The following CHL1 variants were observed in gnomAD, a reference collection of about 807,000 sequenced individuals.
CHL1 encodes cell adhesion molecule L1 like.
Under a neutral mutation model 141.9 loss-of-function variants are expected in CHL1, and 96 were observed. That is an observed-to-expected ratio of 0.68 (90% CI 0.57 to 0.80). The LOEUF (loss-of-function observed/expected upper bound fraction) is 0.80, where lower values mean the gene tolerates loss of function less well. Among genes scored for constraint, CHL1 ranks in the 30% least tolerant of loss-of-function variants. The pLI, the probability that CHL1 is intolerant of heterozygous loss-of-function variation, is 0.00. For synonymous variants in CHL1, 613 were observed against 502.2 expected (o/e 1.22, Z -2.95); for missense variants, 1,820 against 1,457.2 (o/e 1.25, Z -4.05).
chr3:342,071 C>A lies in CHL1; in HGVS notation c.668C>A (p.Thr223Lys). The A allele has an allele frequency of 1.9e-6, 3 of 1,608,964 alleles. No homozygotes were observed. The highest frequency in any genetic ancestry group is 2.6e-6 in the Non-Finnish European group (3 of 1,175,964). ...GTACAGAAAATGCCAATGAAACTAACAGTTAACAGTTGTAAGTCCACATAA... is the reference window on the plus strand; with the variant it reads ...GTACAGAAAATGCCAATGAAACTAAAAGTTAACAGTTGTAAGTCCACATAA... ...TIVQKMPMKLTVNSLKHANDS... is the reference protein window; with the variant it reads ...TIVQKMPMKLKVNSLKHANDS... The change falls in exon 7 of 28, where the codon ACA becomes AAA. Residue 223 changes from threonine to lysine, a missense_variant. Coordinates refer to ENST00000256509, the MANE Select transcript of CHL1 (RefSeq NM_006614.4).
intron 19 of CHL1, chr3:385,688 T>C (rs1020328115): frequency 6.6e-6 from 1 of 151,866 alleles, no homozygotes; most frequent in Non-Finnish European, 1.5e-5. Flanking sequence ...ATTAGCCAGG[T>C]GTGGTGGCAC....
At chr3:363,498 C>A in intron 14 of CHL1, 115 bp downstream of exon 14, 1 of 983,198 alleles carries the variant, frequency 1.0e-6, no homozygotes, top group Non-Finnish European at 1.5e-6. Flanking sequence ...GTTCTTTGAA[C>A]CGTTTTTCAA....
chr3:232,384 A>T (rs1018105822), intron 1 of CHL1, among the ~76,000 whole-genome samples: 1 of 152,210 alleles, frequency 6.6e-6, no homozygotes, highest in African/African-American at 2.4e-5. Context: ...TGCACTTTAC[A>T]ATAATTAGCA....
rs1708245981 is a variant in CHL1, at chr3:391,757, A to C, written c.2874A>C (p.Leu958Phe). Residue 958 changes from leucine to phenylalanine, a missense_variant, in exon 23 of 28, where the codon TTA (leucine) becomes TTC (phenylalanine). Transcript: ENST00000256509. ...ATLSWGLPKK[L>F]NGNLTGYLLQ... ...TATCTTGGGGACTACCTAAGAAATT[A>C]AATGGAAACTTAACTGGCTATCTTT... 1 of 1,599,914 alleles carries C rather than the reference A, an allele frequency of 6.3e-7. No individual in the cohort carries two copies. Among genetic ancestry groups the C allele is most frequent in the African/African-American group, 1.3e-5 (1 of 74,348 alleles).
At chr3:330,056 A>T (rs1701317508) in intron 5 of CHL1, among the ~76,000 whole-genome samples, 1 of 152,064 alleles carries the variant, frequency 6.6e-6, no homozygotes, top group Admixed American at 6.6e-5. Context: ...AAACACATAG[A>T]ATATTGTAAC....
In CHL1 at chr3:291,060, T is replaced by C. The variant is rs540265576; in HGVS notation, c.-94-28623T>C. Among the ~76,000 whole-genome samples, 14 of 152,256 alleles carry C rather than the reference T, an allele frequency of 9.2e-5. No homozygotes were observed. The East Asian group carries it at 2.7e-3, about 29-fold the overall frequency. Reference sequence around the variant, plus strand: ...CATTGAAATTAATTTATAAATAATATTGTATAGTTCAAAACATTAATATAG... The same window carrying C: ...CATTGAAATTAATTTATAAATAATACTGTATAGTTCAAAACATTAATATAG... On this transcript the variant is annotated intron_variant, in intron 2 of 27. Coordinates refer to ENST00000256509, the MANE Select transcript of CHL1 (RefSeq NM_006614.4).
chr3:244,559 A>G (rs1442622138), intron 1 of CHL1, 54 bp from the exon 2 acceptor site: 1 of 152,218 alleles, frequency 6.6e-6, no homozygotes, highest in Non-Finnish European at 1.5e-5. Context: ...TTAATTTAAA[A>G]GTGACTCAAA....
chr3:278,390 G>A (rs1324650315), intron 2 of CHL1, among the ~76,000 whole-genome samples: 1 of 152,186 alleles, frequency 6.6e-6, no homozygotes, highest in Non-Finnish European at 1.5e-5. Flanking sequence ...GAGCTGTCAT[G>A]TTTGGAAAAT....
chr3:203,678 G>C (rs944105989), intron 1 of CHL1, among the ~76,000 whole-genome samples: 1 of 152,234 alleles, frequency 6.6e-6, no homozygotes, highest in Non-Finnish European at 1.5e-5. Context: ...GAAGAGGGCT[G>C]TCACGTGGGA....
chr3:349,732 G>A (rs1012065258), intron 10 of CHL1, among the ~76,000 whole-genome samples, 189 bp downstream of exon 10: 1 of 152,150 alleles, frequency 6.6e-6, no homozygotes, highest in Non-Finnish European at 1.5e-5. Context: ...AAATGACATA[G>A]AAGGGACAAA....
chr3:322,644 A>C (rs62227234), intron 3 of CHL1, among the ~76,000 whole-genome samples: 1 of 82,684 alleles, frequency 1.2e-5, no homozygotes, highest in Non-Finnish European at 2.1e-5. Flanking sequence ...TATATATATA[A>C]AATATATATA....
chr3:363,126 G>A lies in CHL1; in HGVS notation c.1419-91G>A, dbSNP rs1033404823. 10 of 1,064,140 alleles carry A rather than the reference G, an allele frequency of 9.4e-6. No individual in the cohort carries two copies. The East Asian group carries it at 9.7e-5, about 10-fold the overall frequency. The allele number at this position is 1,064,140 out of a possible 1,614,324, so 65.9% of individuals were successfully genotyped here. A position where few individuals can be genotyped will look rare whatever the true frequency, so the allele number is the denominator to read the frequency against. On this transcript the variant is annotated intron_variant, in intron 13 of 27. Transcript: ENST00000256509. ...TGAGGTTTTCTGAGCTATTGAAAGG[G>A]GATTAGCCTGAATGACGTCACTGAC...
At chr3:394,652 G>T in intron 23 of CHL1, 41 bp from the exon 24 acceptor site, 1 of 1,426,774 alleles carries the variant, frequency 7.0e-7, no homozygotes, top group Non-Finnish European at 9.7e-7. Flanking sequence ...AACTTGAATG[G>T]TTAAATACAT....
chr3:363,619 A>T (rs75427609), intron 14 of CHL1: 2 of 367,298 alleles, frequency 5.4e-6, no homozygotes, highest in Non-Finnish European at 9.8e-6. Context: ...GTCTGTAGTG[A>T]CAGATGGCTG....
intron 1 of CHL1, among the ~76,000 whole-genome samples, chr3:237,583 C>T (rs1012809629): frequency 1.3e-5 from 2 of 152,090 alleles, no homozygotes; most frequent in Admixed American, 6.5e-5. Context: ...TAGATAAAGG[C>T]ACAGGCCTTG....
Position 357,880 on chromosome 3 carries a change from C to T in CHL1, c.1166-2404C>T, listed in dbSNP as rs117399624. ...TAAGGAGAACTAAATGGGAGGATGG[C>T]GTTAACTCTGAAAGTCTTAGGACCC... On this transcript the variant is annotated intron_variant, in intron 11 of 27. Transcript: ENST00000256509. Among the ~76,000 whole-genome samples, 21 of 152,280 alleles carry T rather than the reference C, an allele frequency of 1.4e-4. No homozygotes were observed. In the East Asian group the frequency reaches 1.9e-3, roughly 14 times the overall value.
Position 391,167 on chromosome 3 carries a change from GATA to G in CHL1, c.2791+11_2791+13del. The G allele has an allele frequency of 6.3e-7, 1 of 1,594,720 alleles. No individual in the cohort carries two copies. The stretch of plus-strand genomic sequence containing the variant: ...TTCAAACACCAGAAGGAGGTGAGAG[GATA>G]ATGATGTAGAGTCATGTCAAAAATG... On this transcript the variant is annotated intron_variant, in intron 22 of 27. Coordinates refer to ENST00000256509, the MANE Select transcript of CHL1 (RefSeq NM_006614.4).
intron 1 of CHL1, among the ~76,000 whole-genome samples, chr3:206,436 A>C (rs1170388802): frequency 1.3e-5 from 2 of 152,150 alleles, no homozygotes; most frequent in African/African-American, 4.8e-5. Flanking sequence ...ACTGCACTCC[A>C]GCCTGGGTGA....
At chr3:324,127 A>G (rs1005565294) in intron 3 of CHL1, among the ~76,000 whole-genome samples, 1 of 149,858 alleles carries the variant, frequency 6.7e-6, no homozygotes, top group African/African-American at 2.5e-5. Flanking sequence ...ACTGCAAAAG[A>G]GTCCTGAGAC....
Sources: allele counts gnomAD v4.1 joint callset (sites outside exome capture counted in the v4.1 genomes callset), GRCh38; gene constraint gnomAD v4.1.1; transcripts MANE v1.5; gene names NCBI Gene and HGNC (gene_info 2026-07-23, HGNC 2026-07-21).